FOXK1: variants seen among roughly 807,000 people sequenced by gnomAD.
FOXK1 encodes forkhead box protein K1.
A neutral mutation model predicts 51.9 loss-of-function variants in FOXK1; 19 were observed. The ratio of observed to expected loss-of-function variants is 0.37; its 90% CI spans 0.26 to 0.54. The LOEUF is 0.54. Ranked by LOEUF, FOXK1 falls within the 20% of genes least tolerant of loss-of-function variation. The pLI, the probability that FOXK1 is intolerant of heterozygous loss-of-function variation, is 0.87. For synonymous variants in FOXK1, 537 were observed against 482.6 expected (o/e 1.11, Z -1.48); for missense variants, 870 against 1,032.7 (o/e 0.84, Z 2.16).
Position 4,682,473 on chromosome 7 carries a change from G to GCCGCCA in FOXK1, c.171_176dup (p.Pro58_Pro59dup), listed in dbSNP as rs1779760015. The GCCGCCA allele has an allele frequency of 3.0e-6, 3 of 987,422 alleles. No homozygotes were observed. The highest frequency in any genetic ancestry group is 1.8e-5 in the African/African-American group (1 of 56,618). 61.2% of individuals were successfully genotyped at this position (987,422 alleles called of 1,614,324 possible). Reference sequence around the variant, plus strand: ...AGCCTCCGCCCGGGCCGCCGCCGCCGCCGCCACCGCCGCTGCCTCCGGGCG... The same window carrying GCCGCCA: ...AGCCTCCGCCCGGGCCGCCGCCGCCGCCGCCACCGCCACCGCCGCTGCCTCCGGGCG... On this transcript the variant is annotated inframe_insertion, in exon 1 of 9. Transcript: ENST00000328914. This position sits in a 1 kb window ranked among gnomAD's most constrained non-coding sequence, Gnocchi z 7.6.
intron 1 of FOXK1, among the ~76,000 whole-genome samples, chr7:4,700,982 G>A (rs926377057): frequency 2.6e-5 from 4 of 152,188 alleles, no homozygotes; most frequent in African/African-American, 9.6e-5. Flanking sequence ...GCAGGGCAGT[G>A]GGAAATGACT....
rs200326774 is a variant in FOXK1, at chr7:4,732,891, CT to C, written c.561-7946del. Among the ~76,000 whole-genome samples, 792 of 152,340 alleles carry C rather than the reference CT, an allele frequency of 5.2e-3. 12 individuals are homozygous for C. Among genetic ancestry groups the C allele is most frequent in the African/African-American group, 0.018 (758 of 41,586 alleles). On this transcript the variant is annotated intron_variant, in intron 1 of 8. Coordinates refer to ENST00000328914, the MANE Select transcript of FOXK1 (RefSeq NM_001037165.2). ...CCATAGCGCAGAGTTTATCTTCTTA[CT>C]CGTCCAGCGTTCTCTGTACCTATTG...
intron 1 of FOXK1, among the ~76,000 whole-genome samples, chr7:4,717,682 G>T (rs978569701): frequency 2.6e-5 from 4 of 152,128 alleles, no homozygotes; most frequent in Admixed American, 2.6e-4. Context: ...CTCACTGCCC[G>T]CCTGGTCCTG....
At chr7:4,708,876 T>C (rs1235762674) in intron 1 of FOXK1, among the ~76,000 whole-genome samples, 2 of 151,600 alleles carry the variant, frequency 1.3e-5, no homozygotes, top group African/African-American at 2.4e-5. Context: ...ACCATCCTGG[T>C]CAACATAGTG....
chr7:4,686,903 G>GTCATTCTTGATGCCACTTAATT (rs1779825873), intron 1 of FOXK1, among the ~76,000 whole-genome samples: 2 of 151,496 alleles, frequency 1.3e-5, no homozygotes, highest in African/African-American at 4.9e-5. Context: ...TGTGTGTGCT[G>GTCATTCTTGATGCCACTTAATT]TCATTCTTGA....
Position 4,682,413 on chromosome 7 carries a change from C to G in FOXK1, c.105C>G (p.Pro35=), listed in dbSNP as rs1360397443. ...CCGCAGCCGCCGCCGCCGCCTTCCC[C>G]GCGGCCGCACCCCCGCCGGCCCCCG... ...LCAAAAAAAF[P]AAAPPPAPAQ... The change falls in exon 1 of 9, where the codon CCC becomes CCG. Residue 35 remains proline, a synonymous_variant. Coordinates refer to ENST00000328914, the MANE Select transcript of FOXK1 (RefSeq NM_001037165.2). The surrounding 1 kb of genome is among the most constrained non-coding windows in gnomAD (Gnocchi z 7.6). 7.1e-6 allele frequency: 7 copies of G among 981,174 alleles called. No individual in the cohort carries two copies. The highest frequency in any genetic ancestry group is 7.2e-6 in the Non-Finnish European group (6 of 828,578). 60.8% of individuals were successfully genotyped at this position (981,174 alleles called of 1,614,324 possible). A position where few individuals can be genotyped will look rare whatever the true frequency, so the allele number is the denominator to read the frequency against.
rs73674026 is a variant in FOXK1 at position 4,683,449 on chromosome 7, G to A, written c.560+581G>A. On this transcript the variant is annotated intron_variant, in intron 1 of 8. Transcript: ENST00000328914. The surrounding 1 kb of genome is among the most constrained non-coding windows in gnomAD (Gnocchi z 4.5). ...GGCCCCCCCGGAGTCACCCCTGACC[G>A]CTAACCCCACAAGCCTGGGCTCGCA... Among the ~76,000 whole-genome samples the A allele has an allele frequency of 0.13, 19,242 of 150,046 alleles. 2,926 individuals are homozygous for A. The highest frequency in any genetic ancestry group is 0.37 in the African/African-American group (15,046 of 40,706).
intron 1 of FOXK1, among the ~76,000 whole-genome samples, chr7:4,727,320 T>C (rs1186055994): frequency 6.6e-6 from 1 of 152,138 alleles, no homozygotes; most frequent in Non-Finnish European, 1.5e-5. Context: ...AAATTTTATT[T>C]GTTTATTTTT....
Position 4,757,101 on chromosome 7 carries a change from A to G in FOXK1, c.1158A>G (p.Glu386=), listed in dbSNP as rs1780862691. 6.2e-7 allele frequency: 1 copy of G among 1,613,760 alleles called. No homozygotes were observed. The highest frequency in any genetic ancestry group is 8.5e-7 in the Non-Finnish European group (1 of 1,179,992). The change falls in exon 5 of 9, where the codon GAA becomes GAG. Residue 386 remains glutamate, a synonymous_variant. Transcript: ENST00000328914. The stretch of plus-strand genomic sequence containing the variant: ...TTTGGCGAATAGACCCTGCCTCTGA[A>G]GCCAAGCTCGTGGAACAGGCATTCC... The part of the protein sequence containing the change: ...GSFWRIDPAS[E]AKLVEQAFRK...
intron 1 of FOXK1, among the ~76,000 whole-genome samples, chr7:4,737,004 C>T (rs1209815376): frequency 6.6e-6 from 1 of 152,204 alleles, no homozygotes; most frequent in African/African-American, 2.4e-5. Context: ...TGGCTAGTAC[C>T]TGGCTTTCAG....
At chr7:4,739,416 T>G (rs10274238) in intron 1 of FOXK1, among the ~76,000 whole-genome samples, 1 of 151,768 alleles carries the variant, frequency 6.6e-6, no homozygotes, top group Non-Finnish European at 1.5e-5. Context: ...GTTTTTGTTT[T>G]TGTTTTGTTT....
rs569627517 is a variant in FOXK1, at chr7:4,729,209, G to C, written c.561-11629G>C. On this transcript the variant is annotated intron_variant, in intron 1 of 8. Transcript: ENST00000328914. This position sits in a 1 kb window ranked among gnomAD's most constrained non-coding sequence, Gnocchi z 6.2. ...GAGGTGATTTCGGAGCCTACTCTCC[G>C]ATCCTCAGGATCCTCTTCGGGAGCA... 6.6e-6 allele frequency among the ~76,000 whole-genome samples: 1 copy of C among 152,168 alleles called. No individual in the cohort carries two copies. Among genetic ancestry groups the C allele is most frequent in the East Asian group, 1.9e-4 (1 of 5,198 alleles).
rs1198698221 is a variant in FOXK1 at position 4,709,003 on chromosome 7, T to C, written c.560+26135T>C. 6.8e-6 allele frequency among the ~76,000 whole-genome samples: 1 copy of C among 146,926 alleles called. No individual in the cohort carries two copies. Among genetic ancestry groups the C allele is most frequent in the Non-Finnish European group, 1.5e-5 (1 of 67,360 alleles). On this transcript the variant is annotated intron_variant, in intron 1 of 8. Coordinates refer to ENST00000328914, the MANE Select transcript of FOXK1 (RefSeq NM_001037165.2). The surrounding 1 kb of genome is among the most constrained non-coding windows in gnomAD (Gnocchi z 5.6). Reference sequence around the variant, plus strand: ...TTGCCTGAATCCGAGAGGTGGAGGTTGCAGTGAGCCAAGATCGCCCCACTG... The same window carrying C: ...TTGCCTGAATCCGAGAGGTGGAGGTCGCAGTGAGCCAAGATCGCCCCACTG...
chr7:4,700,755 T>C (rs936562055), intron 1 of FOXK1, among the ~76,000 whole-genome samples: 7 of 151,992 alleles, frequency 4.6e-5, no homozygotes, highest in Admixed American at 3.3e-4. Context: ...AGGTCAAGGC[T>C]GCAGTGAGCT....
chr7:4,701,216 T>C (rs1780017508), intron 1 of FOXK1, among the ~76,000 whole-genome samples: 1 of 152,194 alleles, frequency 6.6e-6, no homozygotes. Context: ...CTTGTGTTTT[T>C]CTGAGCTGCT....
At chr7:4,717,723 C>G (rs1258612040) in intron 1 of FOXK1, among the ~76,000 whole-genome samples, 1 of 152,192 alleles carries the variant, frequency 6.6e-6, no homozygotes, top group Non-Finnish European at 1.5e-5. Flanking sequence ...AGCATTGCAG[C>G]TTCATCTGCA....
At chr7:4,688,409 A>C (rs963101398) in intron 1 of FOXK1, among the ~76,000 whole-genome samples, 1 of 146,782 alleles carries the variant, frequency 6.8e-6, no homozygotes, top group African/African-American at 2.5e-5. Context: ...TTTTATTTTT[A>C]TTTTTTTTTG....
At chr7:4,713,984 G>A (rs559599026) in intron 1 of FOXK1, among the ~76,000 whole-genome samples, 5 of 151,178 alleles carry the variant, frequency 3.3e-5, no homozygotes, top group East Asian at 2.0e-4. Context: ...GCGCCACCAC[G>A]TCCGGCTAAT....
chr7:4,741,037 C>G lies in FOXK1; in HGVS notation c.746+14C>G, dbSNP rs752677638. 4.7e-5 allele frequency: 70 copies of G among 1,492,718 alleles called. 1 individual carries two copies. The South Asian group carries it at 6.6e-4, about 14-fold the overall frequency. The allele number at this position is 1,492,718 out of a possible 1,614,324, so 92.5% of individuals were successfully genotyped here. Reference sequence around the variant, plus strand: ...GGGCACCATCAGGTGAGTAGCCCCCCAGCCTGCCCTTGGGCCCCCAGGAGA... The same window carrying G: ...GGGCACCATCAGGTGAGTAGCCCCCGAGCCTGCCCTTGGGCCCCCAGGAGA... On this transcript the variant is annotated intron_variant, in intron 2 of 8. Transcript: ENST00000328914.
Sources: allele counts gnomAD v4.1 joint callset (sites outside exome capture counted in the v4.1 genomes callset), GRCh38; gene constraint gnomAD v4.1.1; non-coding constraint Gnocchi (gnomAD v3.1); transcripts MANE v1.5; gene names NCBI Gene and HGNC (gene_info 2026-07-23, HGNC 2026-07-21).